R3HDM1: variants seen among roughly 807,000 people sequenced by gnomAD.
R3HDM1 encodes the protein R3H domain-containing protein 1.
A neutral mutation model predicts 141.1 loss-of-function variants in R3HDM1; 46 were observed. The observed-to-expected ratio is 0.33, with a 90% CI of 0.26 to 0.42. R3HDM1 has a LOEUF of 0.42. R3HDM1 is among the 10% of genes least tolerant of loss of function. The probability of loss-of-function intolerance (pLI) is 1.00; values close to 1 mark genes in which losing one functional copy is unlikely to be tolerated. For missense variants in R3HDM1, 1,184 were observed against 1,368.3 expected (o/e 0.87, Z 2.12); for synonymous variants, 435 against 472.9 (o/e 0.92, Z 1.04).
intron 3 of R3HDM1, among the ~76,000 whole-genome samples, chr2:135,615,102 A>G (rs1019472156): frequency 2.6e-5 from 4 of 152,110 alleles, no homozygotes; most frequent in Non-Finnish European, 1.5e-5. Context: ...TGTAGTTTGT[A>G]TAATCTAGGG....
chr2:135,591,370 C>T (rs1270065604), intron 1 of R3HDM1, among the ~76,000 whole-genome samples: 3 of 152,050 alleles, frequency 2.0e-5, no homozygotes, highest in East Asian at 1.9e-4. Flanking sequence ...CAAGCGAAAT[C>T]GAATTTTGAA....
At chr2:135,630,221 G>A (rs1237129194) in intron 7 of R3HDM1, among the ~76,000 whole-genome samples, 2 of 134,578 alleles carry the variant, frequency 1.5e-5, no homozygotes, top group South Asian at 2.6e-4. Flanking sequence ...AGGTAGTAGT[G>A]AGCCGAGATT....
chr2:135,665,469 C>G (rs2105318551), intron 19 of R3HDM1: 1 of 533,220 alleles, frequency 1.9e-6, no homozygotes, highest in African/African-American at 1.9e-5. Flanking sequence ...GTCTCTTTTT[C>G]AGCTGCTTCC....
intron 7 of R3HDM1, among the ~76,000 whole-genome samples, chr2:135,630,281 CAAAAAAAAAAAAAAAAAA>C (rs911009655): frequency 7.6e-5 from 3 of 39,300 alleles, no homozygotes; most frequent in Admixed American, 3.6e-4. Flanking sequence ...CCTTCTCAAC[CAAAAAAAAAAAAAAAAAA>C]AAAAAAAAAC....
chr2:135,558,630 G>C (rs1246744306), intron 1 of R3HDM1, among the ~76,000 whole-genome samples: 10 of 152,176 alleles, frequency 6.6e-5, no homozygotes, highest in Non-Finnish European at 1.5e-5. Flanking sequence ...GAAATGAGTA[G>C]CCAGTAATCC....
At chr2:135,715,912 A>G (rs2076112798) in intron 24 of R3HDM1, among the ~76,000 whole-genome samples, 1 of 152,236 alleles carries the variant, frequency 6.6e-6, no homozygotes, top group Non-Finnish European at 1.5e-5. Context: ...CTGTTTAGTA[A>G]TTACATGATC....
intron 23 of R3HDM1, among the ~76,000 whole-genome samples, chr2:135,712,140 C>T (rs2075716229): frequency 6.6e-6 from 1 of 152,050 alleles, no homozygotes; most frequent in African/African-American, 2.4e-5. Flanking sequence ...GCTTTTCTAT[C>T]TATACTTTTA....
At chr2:135,701,656 C>T (rs1473021391) in intron 21 of R3HDM1, among the ~76,000 whole-genome samples, 2 of 152,100 alleles carry the variant, frequency 1.3e-5, no homozygotes, top group Non-Finnish European at 2.9e-5. Context: ...AAAGAGTGTC[C>T]ATGACTAACA....
chr2:135,534,721 G>A (rs1051495093), intron 1 of R3HDM1, among the ~76,000 whole-genome samples: 1 of 152,200 alleles, frequency 6.6e-6, no homozygotes, highest in African/African-American at 2.4e-5. Flanking sequence ...CTCCAAAGAG[G>A]TCTTACATGA....
chr2:135,544,525 A>G (rs986396186), intron 1 of R3HDM1, among the ~76,000 whole-genome samples: 1 of 152,202 alleles, frequency 6.6e-6, no homozygotes, highest in African/African-American at 2.4e-5. Flanking sequence ...AAGGAAAGGG[A>G]AGGGCTAACA....
At chr2:135,584,984 G>T (rs1264752454) in intron 1 of R3HDM1, among the ~76,000 whole-genome samples, 1 of 152,168 alleles carries the variant, frequency 6.6e-6, no homozygotes, top group Non-Finnish European at 1.5e-5. Flanking sequence ...AAAAGCAGTA[G>T]CTCTTTATGG....
At chr2:135,630,318 A>AC (rs2062580440) in intron 7 of R3HDM1, among the ~76,000 whole-genome samples, 1 of 150,676 alleles carries the variant, frequency 6.6e-6, no homozygotes, top group Admixed American at 6.6e-5. Flanking sequence ...ACAAAAAAAA[A>AC]ACGAGATTCT....
chr2:135,652,742 A>AT (rs1252397031), intron 18 of R3HDM1, among the ~76,000 whole-genome samples: 1 of 152,198 alleles, frequency 6.6e-6, no homozygotes, highest in Non-Finnish European at 1.5e-5. Context: ...TGTTTGCCAG[A>AT]ATTCACCAAT....
At position 135,638,661 on chromosome 2, in the gene R3HDM1, G is replaced by A. The variant is rs1404039243; in HGVS notation, c.941+6G>A. 3 of 1,610,590 alleles carry A rather than the reference G, an allele frequency of 1.9e-6. No homozygotes were observed. The highest frequency in any genetic ancestry group is 1.3e-5 in the African/African-American group (1 of 74,758). On this transcript the variant is annotated splice_donor_region_variant and intron_variant, in intron 12 of 26. Transcript: ENST00000683871. Reference sequence around the variant, plus strand: ...AATTACATTATTGACAAAAGGTGAGGGAATTTTTAACATCTGTTTTGGTAA... The same window carrying A: ...AATTACATTATTGACAAAAGGTGAGAGAATTTTTAACATCTGTTTTGGTAA...
chr2:135,621,529 G>A lies in R3HDM1; in HGVS notation c.339G>A (p.Glu113=), dbSNP rs775355251. 15 of 1,594,116 alleles carry A rather than the reference G, an allele frequency of 9.4e-6. No homozygotes were observed. Among genetic ancestry groups the A allele is most frequent in the African/African-American group, 1.4e-5 (1 of 74,068 alleles). ...KIQIQLTQSF[E]KEEKPSKDEA... ...AGATCCAGTTAACACAATCATTTGA[G>A]AAAGAAGAGAAGCCCTCAAAAGATG... Residue 113 remains glutamate (E), a synonymous_variant, in exon 6 of 27, where the codon GAG becomes GAA. Coordinates refer to ENST00000683871, the MANE Select transcript of R3HDM1 (RefSeq NM_001378107.1).
chr2:135,694,518 C>T (rs770630615), intron 21 of R3HDM1, among the ~76,000 whole-genome samples: 1 of 152,100 alleles, frequency 6.6e-6, no homozygotes, highest in Admixed American at 6.6e-5. Context: ...ACCAAAAAGC[C>T]AGAAATTATG....
At chr2:135,590,942 A>G (rs1299460244) in intron 1 of R3HDM1, among the ~76,000 whole-genome samples, 2 of 152,306 alleles carry the variant, frequency 1.3e-5, no homozygotes, top group Admixed American at 1.3e-4. Context: ...CTTTCTTGAG[A>G]GAGGGCTGTG....
At chr2:135,572,998 G>A (rs186838636) in intron 1 of R3HDM1, among the ~76,000 whole-genome samples, 13 of 152,282 alleles carry the variant, frequency 8.5e-5, no homozygotes, top group Admixed American at 8.5e-4. Context: ...GGGCTGGATG[G>A]GGAATGGAGG....
chr2:135,562,748 A>C (rs1189832346), intron 1 of R3HDM1, among the ~76,000 whole-genome samples: 2 of 152,220 alleles, frequency 1.3e-5, no homozygotes, highest in African/African-American at 4.8e-5. Context: ...TTTATCAGGT[A>C]TCTTTTTAAA....
Sources: gnomAD v4.1 joint callset for allele counts (sites outside exome capture counted in the v4.1 genomes callset) on GRCh38, gnomAD v4.1.1 for gene constraint, MANE v1.5 for transcripts, NCBI Gene and HGNC (gene_info 2026-07-23, HGNC 2026-07-21) for gene names.